The following SFMBT1 variants were observed in gnomAD, a reference collection of about 807,000 sequenced individuals.
The protein encoded by SFMBT1 is Scm like with four mbt domains 1, also known as scm-like with four MBT domains protein 1.
A neutral mutation model predicts 108.7 loss-of-function variants in SFMBT1; 32 were observed. The ratio of observed to expected loss-of-function variants is 0.29; its 90% CI spans 0.22 to 0.40. The LOEUF (loss-of-function observed/expected upper bound fraction) is 0.40. SFMBT1 is among the 10% of genes least tolerant of loss of function. The pLI, the probability that SFMBT1 is intolerant of heterozygous loss-of-function variation, is 1.00. For synonymous variants in SFMBT1, 348 were observed against 369.5 expected (o/e 0.94, Z 0.67); for missense variants, 816 against 1,059.6 (o/e 0.77, Z 3.19).
intron 1 of SFMBT1, among the ~76,000 whole-genome samples, chr3:52,992,802 T>C (rs1188467549): frequency 6.6e-6 from 1 of 152,208 alleles, no homozygotes; most frequent in Non-Finnish European, 1.5e-5. Flanking sequence ...ACCACAGCAT[T>C]TTGTGGGACC....
chr3:52,909,280 G>C (rs892565597), intron 17 of SFMBT1, among the ~76,000 whole-genome samples: 3 of 152,182 alleles, frequency 2.0e-5, no homozygotes, highest in African/African-American at 4.8e-5. Context: ...CTTCAGAGTA[G>C]TGTGCTTATA....
chr3:53,035,989 G>A (rs1699858228), intron 1 of SFMBT1, among the ~76,000 whole-genome samples: 1 of 152,200 alleles, frequency 6.6e-6, no homozygotes, highest in Admixed American at 6.5e-5. Flanking sequence ...ACTTTCCAAG[G>A]TGTCTTTCCT....
Position 52,906,014 on chromosome 3 carries a change from A to G in SFMBT1, c.2460+99T>C. Reference sequence around the variant, plus strand: ...AAGACAATTCTTGTCTTTTGGATCAAAACATTTTTCCTAAAACTTGTAAAT... The same window carrying G: ...AAGACAATTCTTGTCTTTTGGATCAGAACATTTTTCCTAAAACTTGTAAAT... On this transcript the variant is annotated intron_variant, in intron 20 of 20. Transcript: ENST00000394752. 6 of 1,389,778 alleles carry G rather than the reference A, an allele frequency of 4.3e-6. No individual in the cohort carries two copies. The Middle Eastern group carries it at 5.5e-4, about 127-fold the overall frequency. 86.1% of individuals were successfully genotyped at this position (1,389,778 alleles called of 1,614,324 possible). A position where few individuals can be genotyped will look rare whatever the true frequency, so the allele number is the denominator to read the frequency against.
At chr3:52,907,409 C>A in intron 18 of SFMBT1, 95 bp from the exon 19 acceptor site, 1 of 1,522,336 alleles carries the variant, frequency 6.6e-7, no homozygotes, top group South Asian at 1.3e-5. Flanking sequence ...AAAAGAAATT[C>A]AGGACAAACC....
In SFMBT1 at chr3:52,921,797, T is replaced by C; in HGVS notation, c.1166A>G (p.Lys389Arg). The change falls in exon 11 of 21, where the codon AAG (lysine) becomes AGG (arginine). Residue 389 changes from lysine (K) to arginine (R), a missense_variant. Lys to Arg is a conservative substitution (Grantham distance 26). Around this residue, in one of 5 missense-constraint regions of SFMBT1, gnomAD observed 495 missense variants for 607.4 expected, o/e 0.81. Coordinates refer to ENST00000394752, the MANE Select transcript of SFMBT1 (RefSeq NM_016329.4). ...GAGAATGGGGTTCACCGCCTCGAGC[T>C]TCATGTTCTCCTTAAATTCATGTTC... The part of the protein sequence containing the change: ...ISEHEFKENM[K>R]LEAVNPILPE... 6.2e-7 allele frequency: 1 copy of C among 1,614,044 alleles called. No individual in the cohort carries two copies. Among genetic ancestry groups the C allele is most frequent in the South Asian group, 1.1e-5 (1 of 91,076 alleles).
chr3:52,990,143 CCACT>C (rs1262668623), intron 1 of SFMBT1, among the ~76,000 whole-genome samples: 2 of 152,124 alleles, frequency 1.3e-5, no homozygotes, highest in Non-Finnish European at 2.9e-5. Flanking sequence ...CAAAACACAA[CCACT>C]CACTCAGGAA....
chr3:53,030,414 C>CA (rs570753601), intron 1 of SFMBT1, among the ~76,000 whole-genome samples: 7 of 150,190 alleles, frequency 4.7e-5, no homozygotes, highest in African/African-American at 7.3e-5. Context: ...TTTTGATATT[C>CA]AAAAAAAAAT....
chr3:52,998,219 C>T (rs376135196), intron 1 of SFMBT1, among the ~76,000 whole-genome samples: 1 of 149,734 alleles, frequency 6.7e-6, no homozygotes, highest in African/African-American at 2.4e-5. Flanking sequence ...GGAGAAACCC[C>T]GTCTCTACTA....
intron 1 of SFMBT1, among the ~76,000 whole-genome samples, chr3:53,025,217 G>C (rs944718496): frequency 6.6e-6 from 1 of 152,086 alleles, no homozygotes. Flanking sequence ...AAGAAATTTA[G>C]AACTAGAAAA....
chr3:52,955,356 T>C (rs1486358048), intron 2 of SFMBT1, among the ~76,000 whole-genome samples: 1 of 151,900 alleles, frequency 6.6e-6, no homozygotes, highest in Admixed American at 6.6e-5. Flanking sequence ...GAGGTTGCAG[T>C]GAGCCGAGAT....
intron 1 of SFMBT1, among the ~76,000 whole-genome samples, chr3:53,010,381 G>A (rs1305979203): frequency 6.6e-5 from 10 of 152,210 alleles, no homozygotes; most frequent in Admixed American, 3.9e-4. Flanking sequence ...GAGAGCAGCT[G>A]GGCAGTGACC....
chr3:52,943,875 G>A lies in SFMBT1; in HGVS notation c.124-282C>T, dbSNP rs559060434. Reference sequence around the variant, plus strand: ...TTCCTATTAAGTATATAAATTACTAGTCACCATTTTAATAGCTTTCAACAC... The same window carrying A: ...TTCCTATTAAGTATATAAATTACTAATCACCATTTTAATAGCTTTCAACAC... On this transcript the variant is annotated intron_variant, in intron 3 of 20. Transcript: ENST00000394752. Among the ~76,000 whole-genome samples the A allele has an allele frequency of 6.6e-5, 10 of 152,200 alleles. No individual in the cohort carries two copies. In the South Asian group the frequency reaches 1.7e-3, roughly 25 times the overall value.
intron 1 of SFMBT1, among the ~76,000 whole-genome samples, chr3:53,041,847 T>C (rs932416988): frequency 6.6e-6 from 1 of 152,124 alleles, no homozygotes; most frequent in African/African-American, 2.4e-5. Flanking sequence ...CACACACTTT[T>C]ATCCCATTTA....
chr3:52,987,107 A>G (rs1314888568), intron 1 of SFMBT1, among the ~76,000 whole-genome samples: 1 of 152,104 alleles, frequency 6.6e-6, no homozygotes, highest in East Asian at 1.9e-4. Flanking sequence ...GTCCCACTGG[A>G]AGATCTTCGG....
chr3:52,969,076 T>C, intron 2 of SFMBT1, 25 bp downstream of exon 2: 1 of 1,613,480 alleles, frequency 6.2e-7, no homozygotes, highest in African/African-American at 1.3e-5. Context: ...TCCTAGAGAA[T>C]AAATTCTGAG....
intron 1 of SFMBT1, among the ~76,000 whole-genome samples, chr3:52,992,500 T>G (rs920267085): frequency 1.3e-5 from 2 of 152,218 alleles, no homozygotes; most frequent in African/African-American, 4.8e-5. Context: ...TAAAGTGATT[T>G]TGATTTCTGC....
intron 1 of SFMBT1, among the ~76,000 whole-genome samples, chr3:53,017,513 T>C (rs1481665487): frequency 6.6e-6 from 1 of 152,170 alleles, no homozygotes; most frequent in African/African-American, 2.4e-5. Context: ...AGATCAGAAG[T>C]GTAGTCTCCC....
intron 1 of SFMBT1, among the ~76,000 whole-genome samples, chr3:52,984,971 T>C (rs1168137392): frequency 6.6e-6 from 1 of 152,156 alleles, no homozygotes; most frequent in African/African-American, 2.4e-5. Context: ...GAAATTATCT[T>C]TCACTGTACC....
At chr3:52,934,689 C>G (rs538749059) in intron 5 of SFMBT1, 124 bp downstream of exon 5, 1 of 735,862 alleles carries the variant, frequency 1.4e-6, no homozygotes, top group African/African-American at 1.8e-5. Context: ...TTCCCAATAC[C>G]TATGCCTATG....
Sources: gnomAD v4.1 joint callset for allele counts (sites outside exome capture counted in the v4.1 genomes callset) on GRCh38, gnomAD v4.1.1 for gene constraint, gnomAD v4.1.1 regional missense constraint, MANE v1.5 for transcripts, NCBI Gene and HGNC (gene_info 2026-07-23, HGNC 2026-07-21) for gene names.